TSHZ2: variants seen among roughly 807,000 people sequenced by gnomAD.
The protein encoded by TSHZ2 is teashirt homolog 2.
TSHZ2 carries 21 observed loss-of-function variants against 74.4 expected under a neutral mutation model. The observed-to-expected ratio is 0.28, with a 90% CI of 0.20 to 0.41. The LOEUF (loss-of-function observed/expected upper bound fraction) is 0.41, where lower values mean the gene tolerates loss of function less well. Among genes scored for constraint, TSHZ2 ranks in the 10% least tolerant of loss-of-function variants. TSHZ2 has a pLI of 1.00. For missense variants in TSHZ2, 1,244 were observed against 1,293.5 expected, an observed-to-expected ratio of 0.96 and a Z score of 0.59; for synonymous variants, 540 against 515.3, an observed-to-expected ratio of 1.05 and a Z score of -0.65.
chr20:53,378,821 A>AT, intron 2 of TSHZ2, among the ~76,000 whole-genome samples: 1 of 152,330 alleles, frequency 6.6e-6, no homozygotes, highest in East Asian at 1.9e-4. Flanking sequence ...AGATATTTAC[A>AT]TTTTTTAAAA....
At chr20:53,331,157 A>G (rs889552272) in intron 2 of TSHZ2, among the ~76,000 whole-genome samples, 1 of 152,236 alleles carries the variant, frequency 6.6e-6, no homozygotes, top group Non-Finnish European at 1.5e-5. Context: ...GGTGTTTGGG[A>G]GAAGTATGAA....
intron 1 of TSHZ2, among the ~76,000 whole-genome samples, chr20:53,094,725 A>G (rs936325328): frequency 1.3e-5 from 2 of 152,166 alleles, no homozygotes; most frequent in African/African-American, 4.8e-5. Context: ...TGCCCCCAGA[A>G]CACCTAGACT....
At chr20:53,050,911 T>C (rs1446390224) in intron 1 of TSHZ2, among the ~76,000 whole-genome samples, 1 of 152,244 alleles carries the variant, frequency 6.6e-6, no homozygotes, top group Non-Finnish European at 1.5e-5. Context: ...CTGTTGATTC[T>C]GGCAAAATAG....
Position 53,255,230 on chromosome 20 carries a change from C to A in TSHZ2, c.1772C>A (p.Pro591His). 4 of 1,614,158 alleles carry A rather than the reference C, an allele frequency of 2.5e-6. No homozygotes were observed. The highest frequency in any genetic ancestry group is 3.4e-6 in the Non-Finnish European group (4 of 1,180,032). The change falls in exon 2 of 3, where the codon CCC becomes CAC. Residue 591 changes from proline (P) to histidine (H), a missense_variant. Physicochemically the swap from Pro to His is moderately conservative, Grantham distance 77 (BLOSUM62 -2). Around this residue, in one of 6 missense-constraint regions of TSHZ2, gnomAD observed 562 missense variants for 544.0 expected, o/e 1.03. Transcript: ENST00000371497. The surrounding 1 kb of genome is among the most constrained non-coding windows in gnomAD (Gnocchi z 4.1). ...KWKVMPLVSM[P>H]THLAPYTQVK... ...AAAGTGATGCCACTGGTTTCTATGC[C>A]CACACACCTGGCCCCTTACACTCAA...
intron 2 of TSHZ2, among the ~76,000 whole-genome samples, chr20:53,452,088 C>A (rs1984809588): frequency 6.6e-6 from 1 of 152,202 alleles, no homozygotes; most frequent in Non-Finnish European, 1.5e-5. Context: ...AAAGGGAAGT[C>A]AGTAACCCCA....
intron 2 of TSHZ2, among the ~76,000 whole-genome samples, chr20:53,427,742 A>G (rs763312634): frequency 6.6e-6 from 1 of 152,338 alleles, no homozygotes; most frequent in South Asian, 2.1e-4. Flanking sequence ...TTTGTCCTTC[A>G]TACAATGTGC....
intron 1 of TSHZ2, among the ~76,000 whole-genome samples, chr20:53,012,946 A>T (rs1166862772): frequency 6.6e-6 from 1 of 152,178 alleles, no homozygotes; most frequent in Non-Finnish European, 1.5e-5. Flanking sequence ...TACTTTGCCA[A>T]ATAAAGACAT....
intron 1 of TSHZ2, among the ~76,000 whole-genome samples, chr20:53,014,118 A>T (rs1982948211): frequency 6.6e-6 from 1 of 152,118 alleles, no homozygotes; most frequent in Non-Finnish European, 1.5e-5. Flanking sequence ...AAAGTTCATG[A>T]TCAAGGTGCT....
chr20:53,373,611 G>A (rs1331226420), intron 2 of TSHZ2, among the ~76,000 whole-genome samples: 1 of 152,204 alleles, frequency 6.6e-6, no homozygotes, highest in African/African-American at 2.4e-5. Flanking sequence ...AAGTTGGGTG[G>A]AAGTGATGAG....
At chr20:53,448,135 G>A (rs187788350) in intron 2 of TSHZ2, among the ~76,000 whole-genome samples, 352 of 152,160 alleles carry the variant, frequency 2.3e-3, no homozygotes, top group African/African-American at 7.9e-3. Context: ...GGATGGTCTC[G>A]ATCTGACCTC....
intron 1 of TSHZ2, among the ~76,000 whole-genome samples, chr20:53,187,271 G>A (rs917538230): frequency 6.6e-6 from 1 of 152,126 alleles, no homozygotes; most frequent in Non-Finnish European, 1.5e-5. Context: ...TCCTTCTGTC[G>A]ATACGTTCAA....
intron 1 of TSHZ2, among the ~76,000 whole-genome samples, chr20:53,158,863 C>T (rs188762738): frequency 6.6e-6 from 1 of 152,228 alleles, no homozygotes; most frequent in African/African-American, 2.4e-5. Flanking sequence ...CTTTGCCTCA[C>T]CTGCCCACTT....
intron 2 of TSHZ2, among the ~76,000 whole-genome samples, chr20:53,271,926 TATTCA>T (rs1392436123): frequency 4.6e-5 from 7 of 152,354 alleles, no homozygotes; most frequent in African/African-American, 1.7e-4. Flanking sequence ...TAGAGACAGA[TATTCA>T]ATTGAGGTTT....
chr20:53,375,302 G>A (rs906415549), intron 2 of TSHZ2, among the ~76,000 whole-genome samples: 1 of 152,124 alleles, frequency 6.6e-6, no homozygotes, highest in Admixed American at 6.5e-5. Flanking sequence ...AAAATGACAG[G>A]AGAATAAAAT....
intron 1 of TSHZ2, among the ~76,000 whole-genome samples, chr20:53,139,974 T>C (rs16997601): frequency 1.1e-5 from 1 of 92,408 alleles, no homozygotes; most frequent in Non-Finnish European, 2.6e-5. Context: ...TATCTGGCCG[T>C]TTTTTTGCCT....
At chr20:52,985,392 G>T (rs958630595) in intron 1 of TSHZ2, among the ~76,000 whole-genome samples, 1 of 152,118 alleles carries the variant, frequency 6.6e-6, no homozygotes, top group African/African-American at 2.4e-5. Flanking sequence ...ATGGTGAATG[G>T]TACATACATG....
intron 2 of TSHZ2, among the ~76,000 whole-genome samples, chr20:53,469,760 G>C (rs898548336): frequency 1.9e-5 from 1 of 53,874 alleles, no homozygotes; most frequent in Non-Finnish European, 3.8e-5. Flanking sequence ...AAGAAAGATA[G>C]AGAGGGAGGA....
intron 2 of TSHZ2, among the ~76,000 whole-genome samples, chr20:53,346,198 G>A (rs142577606): frequency 3.3e-5 from 5 of 152,236 alleles, no homozygotes; most frequent in South Asian, 2.1e-4. Context: ...TGTGCTGAGC[G>A]CTGCGATGAT....
chr20:53,090,342 T>G (rs1196649270), intron 1 of TSHZ2, among the ~76,000 whole-genome samples: 1 of 152,180 alleles, frequency 6.6e-6, no homozygotes, highest in Admixed American at 6.5e-5. Context: ...GAAACAATAC[T>G]TGGCGTCCTT....
Sources: gnomAD v4.1 joint callset for allele counts (sites outside exome capture counted in the v4.1 genomes callset) on GRCh38, gnomAD v4.1.1 for gene constraint, gnomAD v4.1.1 regional missense constraint, Gnocchi (gnomAD v3.1) non-coding constraint, MANE v1.5 for transcripts, NCBI Gene and HGNC (gene_info 2026-07-23, HGNC 2026-07-21) for gene names.